LSAMP: variants seen among roughly 807,000 people sequenced by gnomAD.
LSAMP encodes limbic system associated membrane protein, also known as limbic system-associated membrane protein.
LSAMP carries 7 observed loss-of-function variants against 38.6 expected under a neutral mutation model. That is an observed-to-expected ratio of 0.18 (90% CI 0.10 to 0.34). The LOEUF (loss-of-function observed/expected upper bound fraction) is 0.34, where lower values mean the gene tolerates loss of function less well. LSAMP is among the 10% of genes least tolerant of loss of function. The pLI, the probability that LSAMP is intolerant of heterozygous loss-of-function variation, is 1.00. For synonymous variants in LSAMP, 154 were observed against 166.8 expected (o/e 0.92, Z 0.59); for missense variants, 313 against 420.0 (o/e 0.75, Z 2.23).
chr3:116,387,151 C>G (rs1353485040), intron 1 of LSAMP, among the ~76,000 whole-genome samples: 1 of 152,078 alleles, frequency 6.6e-6, no homozygotes, highest in Non-Finnish European at 1.5e-5. Context: ...AATAATGTAG[C>G]ATTGACAGGA....
intron 2 of LSAMP, among the ~76,000 whole-genome samples, chr3:116,083,022 A>AT (rs1415026354): frequency 4.6e-5 from 7 of 152,084 alleles, no homozygotes; most frequent in Non-Finnish European, 8.8e-5. Context: ...ACCTAAAATA[A>AT]TTTTTTTAAA....
intron 2 of LSAMP, among the ~76,000 whole-genome samples, chr3:116,065,379 T>A (rs1262158698): frequency 6.6e-6 from 1 of 152,232 alleles, no homozygotes; most frequent in Non-Finnish European, 1.5e-5. Context: ...CAGCTATATA[T>A]AATATTTTAG....
chr3:116,141,552 AG>A (rs1372596798), intron 1 of LSAMP, among the ~76,000 whole-genome samples: 1 of 151,880 alleles, frequency 6.6e-6, no homozygotes, highest in Admixed American at 6.6e-5. Flanking sequence ...GTGGCAGGAA[AG>A]GTCTTAGGTC....
intron 1 of LSAMP, among the ~76,000 whole-genome samples, chr3:116,204,264 T>C (rs891806507): frequency 2.0e-5 from 3 of 150,752 alleles, no homozygotes; most frequent in African/African-American, 7.3e-5. Flanking sequence ...TTTTTTCTTG[T>C]AAATTTGTTT....
chr3:115,812,921 G>A (rs573392151), intron 6 of LSAMP, among the ~76,000 whole-genome samples: 10 of 152,030 alleles, frequency 6.6e-5, no homozygotes, highest in African/African-American at 2.2e-4. Context: ...TTCCATTATT[G>A]AAAAATATGT....
chr3:115,838,973 G>A (rs1332169997), intron 6 of LSAMP, among the ~76,000 whole-genome samples: 1 of 152,172 alleles, frequency 6.6e-6, no homozygotes, highest in East Asian at 1.9e-4. Context: ...AGGCTCACGA[G>A]CTGCCTGTTC....
intron 1 of LSAMP, among the ~76,000 whole-genome samples, chr3:116,291,735 G>T (rs2047270186): frequency 6.6e-6 from 1 of 152,062 alleles, no homozygotes; most frequent in South Asian, 2.1e-4. Context: ...CACTCATCAT[G>T]GCTTTAGATT....
At chr3:116,346,942 A>C (rs2048070872) in intron 1 of LSAMP, among the ~76,000 whole-genome samples, 1 of 152,192 alleles carries the variant, frequency 6.6e-6, no homozygotes, top group Non-Finnish European at 1.5e-5. Context: ...CTCTACCCCT[A>C]AAATCAGTTT....
chr3:115,870,883 CT>C (rs1285928037), intron 3 of LSAMP, among the ~76,000 whole-genome samples: 1 of 151,964 alleles, frequency 6.6e-6, no homozygotes, highest in Non-Finnish European at 1.5e-5. Flanking sequence ...TCTAAAAAAC[CT>C]AAAAAGGCCC....
intron 1 of LSAMP, among the ~76,000 whole-genome samples, chr3:116,272,909 G>A (rs1330481910): frequency 5.9e-5 from 9 of 152,164 alleles, no homozygotes; most frequent in African/African-American, 1.9e-4. Flanking sequence ...TATGAAACGA[G>A]CATTTTGGGC....
chr3:116,374,611 T>G (rs1210941509), intron 1 of LSAMP, among the ~76,000 whole-genome samples: 1 of 151,938 alleles, frequency 6.6e-6, no homozygotes, highest in African/African-American at 2.4e-5. Flanking sequence ...TTTTATTATC[T>G]CTGAATTGTA....
rs1933723723 is a variant in LSAMP at position 115,809,125 on chromosome 3, A to T, written c.*1192T>A. 6.6e-6 allele frequency: 1 copy of T among 152,342 alleles called. No homozygotes were observed. Among genetic ancestry groups the T allele is most frequent in the East Asian group, 1.9e-4 (1 of 5,176 alleles). The allele number at this position is 152,342 out of a possible 1,614,324, so 9.4% of individuals were successfully genotyped here. ...AGCAGGGCCTACCCTGTTAAATGCC[A>T]GGAAATATAAGAATCCCTCAGACTC... On this transcript the variant is annotated 3_prime_UTR_variant, in exon 7 of 7. Transcript: ENST00000490035.
intron 1 of LSAMP, among the ~76,000 whole-genome samples, chr3:116,337,311 T>C (rs2047932983): frequency 6.6e-6 from 1 of 151,992 alleles, no homozygotes; most frequent in Non-Finnish European, 1.5e-5. Context: ...AAATGGGAAA[T>C]TTTATGTTAC....
At chr3:115,927,531 C>A (rs1937517343) in intron 3 of LSAMP, among the ~76,000 whole-genome samples, 1 of 152,182 alleles carries the variant, frequency 6.6e-6, no homozygotes, top group Non-Finnish European at 1.5e-5. Context: ...CAACCCCACC[C>A]CACATAACCA....
intron 3 of LSAMP, among the ~76,000 whole-genome samples, chr3:115,877,178 G>A (rs986841473): frequency 2.0e-5 from 3 of 151,998 alleles, no homozygotes; most frequent in South Asian, 2.1e-4. Flanking sequence ...ACTGACATCC[G>A]GGATAACAAA....
At chr3:116,049,798 C>T (rs941577471) in intron 2 of LSAMP, among the ~76,000 whole-genome samples, 2 of 152,118 alleles carry the variant, frequency 1.3e-5, no homozygotes, top group Admixed American at 1.3e-4. Context: ...ACATTTTAAT[C>T]AACATCAATT....
intron 1 of LSAMP, among the ~76,000 whole-genome samples, chr3:116,278,994 G>A (rs963936181): frequency 1.3e-5 from 2 of 152,070 alleles, no homozygotes. Context: ...AAAACTATCG[G>A]CAAGTTTATG....
In LSAMP at chr3:116,250,952, A is replaced by G. The variant is rs183128727; in HGVS notation, c.156-164396T>C. Among the ~76,000 whole-genome samples, 591 of 152,302 alleles carry G rather than the reference A, an allele frequency of 3.9e-3. 4 individuals carry two copies. The highest frequency in any genetic ancestry group is 0.013 in the African/African-American group (558 of 41,570). The stretch of plus-strand genomic sequence containing the variant: ...AACTCATTGCTGTCCCTGTGTGTAC[A>G]TCTGTCTTAGAGGCAGGACAAACTG... On this transcript the variant is annotated intron_variant, in intron 1 of 6. Coordinates refer to ENST00000490035, the MANE Select transcript of LSAMP (RefSeq NM_002338.5).
At chr3:115,897,537 T>C (rs1159891016) in intron 3 of LSAMP, among the ~76,000 whole-genome samples, 3 of 152,042 alleles carry the variant, frequency 2.0e-5, no homozygotes, top group Non-Finnish European at 4.4e-5. Flanking sequence ...TAATGAATAA[T>C]TGTAAAGCCT....
Sources: allele counts gnomAD v4.1 joint callset (sites outside exome capture counted in the v4.1 genomes callset), GRCh38; gene constraint gnomAD v4.1.1; transcripts MANE v1.5; gene names NCBI Gene and HGNC (gene_info 2026-07-23, HGNC 2026-07-21).